PTPRQ: variants seen among roughly 807,000 people sequenced by gnomAD.
The protein encoded by PTPRQ is phosphatidylinositol phosphatase PTPRQ.
PTPRQ carries 199 observed loss-of-function variants against 246.0 expected under a neutral mutation model. The ratio of observed to expected loss-of-function variants is 0.81; its 90% confidence interval spans 0.72 to 0.91. PTPRQ has a LOEUF of 0.91. PTPRQ is among the 40% of genes least tolerant of loss of function. PTPRQ has a pLI of 0.00. For synonymous variants in PTPRQ, 869 were observed against 853.2 expected (o/e 1.02, Z -0.32); for missense variants, 2,624 against 2,528.4 (o/e 1.04, Z -0.81).
At position 80,634,126 on chromosome 12, in the gene PTPRQ, C is replaced by A. The variant is rs533427945; in HGVS notation, c.5787-819C>A. ...CTGTCTTATGTGTTGTAATTTGAAT[C>A]TTTTTTTCTCTTTTCATGTTTTTTC... On this transcript the variant is annotated intron_variant, in intron 34 of 44. Coordinates refer to ENST00000644991, the MANE Select transcript of PTPRQ (RefSeq NM_001145026.2). Among the ~76,000 whole-genome samples, 250 of 151,924 alleles carry A rather than the reference C, an allele frequency of 1.6e-3. 1 individual carries two copies. The highest frequency in any genetic ancestry group is 2.9e-3 in the Non-Finnish European group (200 of 68,000).
chr12:80,532,513 A>G (rs1000297502), intron 17 of PTPRQ, among the ~76,000 whole-genome samples: 1 of 151,766 alleles, frequency 6.6e-6, no homozygotes, highest in Non-Finnish European at 1.5e-5. Context: ...GAGCCACCAC[A>G]CTCGTCTTAA....
At chr12:80,505,238 C>A (rs1013370300) in intron 14 of PTPRQ, among the ~76,000 whole-genome samples, 14 of 151,898 alleles carry the variant, frequency 9.2e-5, no homozygotes, top group Non-Finnish European at 1.6e-4. Flanking sequence ...GGATTTCTGT[C>A]TTTGCATTTT....
chr12:80,479,956 C>A (rs1305884478), intron 8 of PTPRQ, among the ~76,000 whole-genome samples: 4 of 151,766 alleles, frequency 2.6e-5, no homozygotes, highest in South Asian at 2.1e-4. Context: ...CAACATTAGA[C>A]AGATCAACAA....
At position 80,678,991 on chromosome 12, in the gene PTPRQ, G is replaced by A. The variant is rs911985684; in HGVS notation, c.6868G>A (p.Val2290Ile). 1.4e-5 allele frequency: 21 copies of A among 1,546,682 alleles called. No individual in the cohort carries two copies. The East Asian group carries it at 3.9e-4, about 29-fold the overall frequency. ...MDSLDAMEGD[V>I]ELEWEETTM The stretch of plus-strand genomic sequence containing the variant: ...CATGTTACTTTCTGTTATAGGTGAT[G>A]TTGAGCTTGAATGGGAAGAAACCAC... The change falls in exon 45 of 45, where the codon GTT (valine) becomes ATT (isoleucine). Residue 2290 changes from valine to isoleucine, a missense_variant. Transcript: ENST00000644991.
chr12:80,484,850 C>A (rs1220055368), intron 9 of PTPRQ, among the ~76,000 whole-genome samples: 1 of 152,030 alleles, frequency 6.6e-6, no homozygotes, highest in Admixed American at 6.6e-5. Context: ...TTAAACAGGA[C>A]TAAAGGTATT....
intron 17 of PTPRQ, among the ~76,000 whole-genome samples, chr12:80,518,534 G>C (rs887594232): frequency 6.6e-6 from 1 of 152,028 alleles, no homozygotes; most frequent in East Asian, 1.9e-4. Flanking sequence ...TATGCTTGTG[G>C]GGTATTACTC....
chr12:80,558,159 TTTTCTTTTC>T (rs1305516949), intron 25 of PTPRQ, among the ~76,000 whole-genome samples: 1,684 of 128,516 alleles, frequency 0.013, 25 homozygotes, highest in African/African-American at 0.034. Flanking sequence ...TTTTCTTTTC[TTTTCTTTTC>T]TTTCTTTTCT....
At chr12:80,586,349 C>A (rs1002163844) in intron 25 of PTPRQ, among the ~76,000 whole-genome samples, 1 of 150,904 alleles carries the variant, frequency 6.6e-6, no homozygotes, top group African/African-American at 2.4e-5. Context: ...CAATGAGATA[C>A]CATCTCACAC....
At chr12:80,605,233 A>G in intron 27 of PTPRQ, 53 bp downstream of exon 27, 1 of 1,518,434 alleles carries the variant, frequency 6.6e-7, no homozygotes. Flanking sequence ...TTAATAATAC[A>G]AGATTTGGAA....
intron 34 of PTPRQ, among the ~76,000 whole-genome samples, chr12:80,633,620 G>A (rs1037517172): frequency 6.6e-6 from 1 of 152,150 alleles, no homozygotes; most frequent in African/African-American, 2.4e-5. Context: ...ATGCATTATG[G>A]TTCATCTTGA....
chr12:80,500,540 CA>C (rs1894766459), intron 14 of PTPRQ, among the ~76,000 whole-genome samples: 1 of 151,948 alleles, frequency 6.6e-6, no homozygotes, highest in Admixed American at 6.6e-5. Context: ...GGGAAATTTT[CA>C]AAATCAGAAG....
At chr12:80,505,180 C>A (rs1474948614) in intron 14 of PTPRQ, among the ~76,000 whole-genome samples, 1 of 151,880 alleles carries the variant, frequency 6.6e-6, no homozygotes, top group Non-Finnish European at 1.5e-5. Context: ...CCAGGATTAA[C>A]CAATCTATGG....
rs58537253 is a variant in PTPRQ, at chr12:80,495,386, T to TTTGTTGTTG, written c.1882+27_1882+35dup. ...TCTCATAACAGGTAGAAAACAATGT[T>TTTGTTGTTG]TTGTTGTTGTTGTTGTTGTTCATTT... On this transcript the variant is annotated intron_variant, in intron 12 of 44. Transcript: ENST00000644991. 3 of 1,391,962 alleles carry TTTGTTGTTG rather than the reference T, an allele frequency of 2.2e-6. No homozygotes were observed. Among genetic ancestry groups the TTTGTTGTTG allele is most frequent in the Non-Finnish European group, 2.8e-6 (3 of 1,053,404 alleles). 86.2% of individuals were successfully genotyped at this position (1,391,962 alleles called of 1,614,324 possible). A position where few individuals can be genotyped will look rare whatever the true frequency, so the allele number is the denominator to read the frequency against.
chr12:80,667,778 A>T (rs1037325401), intron 39 of PTPRQ, among the ~76,000 whole-genome samples: 5 of 151,982 alleles, frequency 3.3e-5, no homozygotes, highest in African/African-American at 1.2e-4. Context: ...CTAAATTTTC[A>T]AAATATTCTA....
intron 17 of PTPRQ, among the ~76,000 whole-genome samples, chr12:80,531,049 A>C (rs1390553068): frequency 1.3e-5 from 2 of 151,942 alleles, no homozygotes; most frequent in Non-Finnish European, 2.9e-5. Flanking sequence ...TTTAAATTTA[A>C]AGAAGTTTAA....
intron 35 of PTPRQ, among the ~76,000 whole-genome samples, chr12:80,635,493 T>A (rs1422213412): frequency 6.6e-6 from 1 of 152,114 alleles, no homozygotes; most frequent in Non-Finnish European, 1.5e-5. Flanking sequence ...AAAAGCTTTT[T>A]AATAACTATT....
intron 17 of PTPRQ, among the ~76,000 whole-genome samples, chr12:80,511,408 T>C (rs183637949): frequency 6.6e-6 from 1 of 152,324 alleles, no homozygotes; most frequent in East Asian, 1.9e-4. Context: ...AGGTTACCAT[T>C]CCTTTTCATT....
chr12:80,587,896 C>A (rs1053001011), intron 25 of PTPRQ, among the ~76,000 whole-genome samples: 8 of 152,052 alleles, frequency 5.3e-5, no homozygotes, highest in African/African-American at 1.9e-4. Context: ...AATTTGGAAG[C>A]AAAATCAAGA....
At chr12:80,487,468 A>G (rs1445210608) in intron 9 of PTPRQ, among the ~76,000 whole-genome samples, 8 of 152,132 alleles carry the variant, frequency 5.3e-5, no homozygotes, top group South Asian at 4.1e-4. Context: ...CTGACTGGAC[A>G]TAACACAAAT....
Sources: gnomAD v4.1 joint callset for allele counts (sites outside exome capture counted in the v4.1 genomes callset) on GRCh38, gnomAD v4.1.1 for gene constraint, MANE v1.5 for transcripts, NCBI Gene and HGNC (gene_info 2026-07-23, HGNC 2026-07-21) for gene names.